MRTFB: variants seen among roughly 807,000 people sequenced by gnomAD.
MRTFB encodes myocardin-related transcription factor B.
A neutral mutation model predicts 104.2 loss-of-function variants in MRTFB; 29 were observed. That is an observed-to-expected ratio of 0.28 (90% CI 0.21 to 0.38). MRTFB has a LOEUF of 0.38. Ranked by LOEUF, MRTFB falls within the 10% of genes least tolerant of loss-of-function variation. The probability of loss-of-function intolerance (pLI) is 1.00; values close to 1 mark genes in which losing one functional copy is unlikely to be tolerated. For synonymous variants in MRTFB, 535 were observed against 519.5 expected (o/e 1.03, Z -0.41); for missense variants, 1,270 against 1,341.6 (o/e 0.95, Z 0.83).
chr16:14,202,251 ATCT>A (rs971009151), intron 3 of MRTFB, among the ~76,000 whole-genome samples: 7 of 152,188 alleles, frequency 4.6e-5, no homozygotes, highest in Non-Finnish European at 5.9e-5. Flanking sequence ...TTCACAAGAC[ATCT>A]TCTCCGAGCC....
the MRTFB span, among the ~76,000 whole-genome samples, chr16:14,014,763 G>T: frequency 6.6e-6 from 1 of 152,174 alleles, no homozygotes; most frequent in East Asian, 1.9e-4. Flanking sequence ...AGCTACTCAG[G>T]AGGCTGAGGC....
chr16:14,002,634 A>G, the MRTFB span, among the ~76,000 whole-genome samples: 1 of 152,214 alleles, frequency 6.6e-6, no homozygotes, highest in East Asian at 1.9e-4. Flanking sequence ...ATACTGGTCA[A>G]CCAGCAACCA....
At chr16:14,148,748 C>G (rs557768500) in intron 3 of MRTFB, 3 of 152,768 alleles carry the variant, frequency 2.0e-5, no homozygotes, top group Non-Finnish European at 2.9e-5. Context: ...AAGGTGCTCT[C>G]TGTGTCACAG....
At chr16:14,068,520 T>G (rs983756552), upstream of MRTFB, among the ~76,000 whole-genome samples, 1 of 152,198 alleles carries the variant, frequency 6.6e-6, no homozygotes, top group Non-Finnish European at 1.5e-5. Flanking sequence ...CAGGCTGATC[T>G]GGGGTGGAAC....
chr16:14,184,711 A>G (rs1487633494), intron 3 of MRTFB, among the ~76,000 whole-genome samples: 1 of 152,208 alleles, frequency 6.6e-6, no homozygotes, highest in Non-Finnish European at 1.5e-5. Context: ...CAGGAGTAGA[A>G]TTACCAGGGG....
In MRTFB at chr16:14,143,805, G is replaced by A. The variant is rs912323923; in HGVS notation, c.154+3045G>A. ...TGGTTGTTACATTTTATGGGGTCTA[G>A]TTTCTGTTTTAGAATTTGGCTTTTT... is the stretch of plus-strand genomic sequence containing the variant. On this transcript the variant is annotated intron_variant, in intron 3 of 16. Coordinates refer to ENST00000571589, the MANE Select transcript of MRTFB (RefSeq NM_001308142.2). 3.3e-5 allele frequency: 5 copies of A among 151,922 alleles called. 1 individual carries two copies. Among genetic ancestry groups the A allele is most frequent in the African/African-American group, 1.2e-4 (5 of 41,360 alleles). The allele number at this position is 151,922 out of a possible 1,614,324, so 9.4% of individuals were successfully genotyped here.
chr16:14,185,640 A>T (rs1254535931), intron 3 of MRTFB, among the ~76,000 whole-genome samples: 1 of 151,884 alleles, frequency 6.6e-6, no homozygotes, highest in Non-Finnish European at 1.5e-5. Flanking sequence ...TATTGAGAAC[A>T]CCTAATATTC....
chr16:14,204,048 G>A (rs1043091723), intron 3 of MRTFB, among the ~76,000 whole-genome samples: 2 of 152,010 alleles, frequency 1.3e-5, no homozygotes, highest in Non-Finnish European at 2.9e-5. Flanking sequence ...GTATAGCCTC[G>A]AACTCCTGGG....
intron 9 of MRTFB, 45 bp downstream of exon 9, chr16:14,234,328 ACT>A (rs1240787424): frequency 4.4e-6 from 7 of 1,604,206 alleles, no homozygotes; most frequent in South Asian, 1.1e-5. Context: ...TTTATTTGTG[ACT>A]CTGTCTATAA....
intron 7 of MRTFB, among the ~76,000 whole-genome samples, chr16:14,218,446 T>A (rs2041527152): frequency 6.6e-6 from 1 of 152,190 alleles, no homozygotes; most frequent in African/African-American, 2.4e-5. Flanking sequence ...CTGTTAAATC[T>A]TAATCTATTG....
chr16:14,187,397 T>G (rs967140255), intron 3 of MRTFB, among the ~76,000 whole-genome samples: 7 of 152,226 alleles, frequency 4.6e-5, no homozygotes, highest in Non-Finnish European at 8.8e-5. Flanking sequence ...GAACACTGCT[T>G]CTTTTAGGTT....
At chr16:14,183,000 G>T (rs910111261) in intron 3 of MRTFB, among the ~76,000 whole-genome samples, 1 of 152,144 alleles carries the variant, frequency 6.6e-6, no homozygotes, top group African/African-American at 2.4e-5. Flanking sequence ...AGCCATCATA[G>T]TGATAAATAA....
intron 9 of MRTFB, among the ~76,000 whole-genome samples, chr16:14,235,974 A>C (rs906803982): frequency 3.3e-5 from 5 of 152,236 alleles, no homozygotes; most frequent in African/African-American, 1.2e-4. Context: ...TGAGCTCAGG[A>C]GTTTGAGCCA....
the MRTFB span, among the ~76,000 whole-genome samples, chr16:14,017,556 G>A: frequency 5.1e-5 from 7 of 136,090 alleles, no homozygotes; most frequent in African/African-American, 1.9e-4. Flanking sequence ...TATGAGTTTT[G>A]TGTCCCTTGC....
intron 8 of MRTFB, among the ~76,000 whole-genome samples, 190 bp from the exon 9 acceptor site, chr16:14,233,956 A>T (rs539603958): frequency 1.3e-5 from 2 of 152,264 alleles, no homozygotes; most frequent in Non-Finnish European, 2.9e-5. Context: ...GCTCTTAAAG[A>T]CTAAATGATT....
chr16:14,181,106 A>G (rs117919426), intron 3 of MRTFB, among the ~76,000 whole-genome samples: 1,812 of 152,306 alleles, frequency 0.012, 15 homozygotes, highest in Middle Eastern at 0.034. Flanking sequence ...CTTTTTCAAT[A>G]TATATTTTAA....
the MRTFB span, among the ~76,000 whole-genome samples, chr16:14,020,736 G>C: frequency 7.2e-5 from 11 of 152,302 alleles, no homozygotes; most frequent in African/African-American, 2.6e-4. Context: ...CCTTCCTGTT[G>C]CCAATGAGCC....
At chr16:14,159,929 CA>C (rs552159164) in intron 3 of MRTFB, among the ~76,000 whole-genome samples, 1,439 of 55,614 alleles carry the variant, frequency 0.026, 1 homozygote, top group Non-Finnish European at 0.051. Context: ...GACTCCGTCT[CA>C]AAAAAAAAAA....
chr16:14,252,149 A>G lies in MRTFB; in HGVS notation c.2565+126A>G, dbSNP rs556604231. ...TAAAATTGTTGAAAATACAGTGATA[A>G]CTTGTGAAGGAGGAGCTCAGCTATT... On this transcript the variant is annotated intron_variant, in intron 14 of 16. Transcript: ENST00000571589. The G allele has an allele frequency of 2.4e-6, 3 of 1,268,480 alleles. No homozygotes were observed. In the East Asian group the frequency reaches 7.1e-5, roughly 30 times the overall value. 78.6% of individuals were successfully genotyped at this position (1,268,480 alleles called of 1,614,324 possible).
Sources: gnomAD v4.1 joint callset for allele counts (sites outside exome capture counted in the v4.1 genomes callset) on GRCh38, gnomAD v4.1.1 for gene constraint, MANE v1.5 for transcripts, NCBI Gene and HGNC (gene_info 2026-07-23, HGNC 2026-07-21) for gene names.